Variants in RPL31 observed in about 807,000 individuals in gnomAD.
The protein encoded by RPL31 is large ribosomal subunit protein eL31.
For missense variants in RPL31, 95 were observed against 164.0 expected (o/e 0.58, Z 2.30); for synonymous variants, 51 against 55.0 (o/e 0.93, Z 0.32).
At chr2:101,009,390 A>G (rs1679007333), downstream of RPL31, among the ~76,000 whole-genome samples, 1 of 145,516 alleles carries the variant, frequency 6.9e-6, no homozygotes, top group Non-Finnish European at 1.5e-5. Flanking sequence ...TGGGCGACAG[A>G]GTGAGACTCT....
At chr2:101,007,581 G>T (rs911110080), downstream of RPL31, 2 of 508,772 alleles carry the variant, frequency 3.9e-6, no homozygotes, top group Admixed American at 7.1e-5. Context: ...AGCAAATCCG[G>T]TAAAAATTGT....
At chr2:101,004,079 A>G (rs919049077) in intron 2 of RPL31, 79 bp from the exon 3 acceptor site, 139 of 1,504,304 alleles carry the variant, frequency 9.2e-5, no homozygotes, top group Non-Finnish European at 1.1e-4. Flanking sequence ...GGAGCCTATC[A>G]TCGACATTGA....
At chr2:101,011,556 G>A (rs775481404), downstream of RPL31, 2 of 1,613,534 alleles carry the variant, frequency 1.2e-6, no homozygotes, top group African/African-American at 1.3e-5. Flanking sequence ...AAAAAGATGA[G>A]AGGTTTAAAT....
intron 1 of RPL31, 156 bp downstream of exon 1, chr2:101,002,471 T>A (rs951250073): frequency 1.7e-6 from 1 of 577,782 alleles, no homozygotes; most frequent in African/African-American, 1.9e-5. Flanking sequence ...TCCCAGAGCC[T>A]GAGGAAGAAA....
chr2:101,003,686 T>G (rs1678621824), intron 2 of RPL31, among the ~76,000 whole-genome samples: 1 of 152,214 alleles, frequency 6.6e-6, no homozygotes, highest in South Asian at 2.1e-4. Flanking sequence ...CTACTGCCAT[T>G]CATCATACTC....
intron 2 of RPL31, among the ~76,000 whole-genome samples, chr2:101,003,957 G>C (rs992192987): frequency 6.6e-6 from 1 of 152,170 alleles, no homozygotes; most frequent in Non-Finnish European, 1.5e-5. Context: ...GCTGGTTTTA[G>C]GAGGACATAC....
intron 1 of RPL31, 175 bp downstream of exon 1, chr2:101,002,490 G>A (rs1678577578): frequency 1.7e-6 from 1 of 605,500 alleles, no homozygotes; most frequent in Non-Finnish European, 3.0e-6. Context: ...AAGTGACCAG[G>A]CTTAGGGGAG....
intron 2 of RPL31, among the ~76,000 whole-genome samples, chr2:101,003,226 C>T (rs560697981): frequency 1.3e-5 from 2 of 152,178 alleles, no homozygotes; most frequent in Admixed American, 6.5e-5. Context: ...AATTTTTACC[C>T]TTTTTTTCCC....
intron 4 of RPL31, chr2:101,018,172 CTATAAT>C (rs1679793477): frequency 7.4e-6 from 3 of 406,640 alleles, no homozygotes; most frequent in South Asian, 5.3e-5. Context: ...CTGTACTAAT[CTATAAT>C]TATGTTTTAG....
chr2:101,006,041 G>A lies in RPL31; in HGVS notation c.316G>A (p.Val106Ile). The change falls in exon 4 of 5, where the codon GTT becomes ATT. Residue 106 changes from valine (V) to isoleucine (I), a missense_variant. Val to Ile is a conservative substitution (Grantham distance 29, BLOSUM62 3). Transcript: ENST00000264258. ...EDSPNKLYTL[V>I]TYVPVTTFKN... ...TTCACCAAATAAGCTATATACTTTG[G>A]TTACCTATGTACCTGTTACCACTTT... is the stretch of plus-strand genomic sequence containing the variant. The A allele has an allele frequency of 6.2e-7, 1 of 1,613,976 alleles. No homozygotes were observed. Among genetic ancestry groups the A allele is most frequent in the Non-Finnish European group, 8.5e-7 (1 of 1,179,980 alleles).
At position 101,004,158 on chromosome 2, in the gene RPL31, G is replaced by A; in HGVS notation, c.108G>A (p.Val36=). The A allele has an allele frequency of 1.2e-6, 2 of 1,612,882 alleles. No homozygotes were observed. The highest frequency in any genetic ancestry group is 1.7e-6 in the Non-Finnish European group (2 of 1,179,586). ...TINIHKRIHG[V]GFKKRAPRAL... ...TTGTTCACTTATGTTTGAATCGTAG[G>A]GGCTTCAAGAAGCGTGCACCTCGGG... The change falls in exon 3 of 5, where the codon GTG becomes GTA. Residue 36 remains valine (V), a splice_region_variant and synonymous_variant. Transcript: ENST00000264258.
chr2:101,014,196 A>C (rs1267033890), intron 4 of RPL31, among the ~76,000 whole-genome samples: 2 of 151,586 alleles, frequency 1.3e-5, no homozygotes, highest in Non-Finnish European at 2.9e-5. Flanking sequence ...ATTTCGCAAA[A>C]GTTTTTTTTT....
downstream of RPL31, chr2:101,008,376 T>TGAA (rs1678908615): frequency 2.2e-6 from 2 of 909,094 alleles, no homozygotes; most frequent in Non-Finnish European, 3.2e-6. Flanking sequence ...ACAGTATTTT[T>TGAA]GAAGACACAG....
chr2:101,018,040 T>C, intron 4 of RPL31: 5 of 1,053,908 alleles, frequency 4.7e-6, no homozygotes, highest in Non-Finnish European at 5.5e-6. Context: ...TCAACCCCTT[T>C]TTCACTGACA....
chr2:101,007,844 C>T, downstream of RPL31: 1 of 1,613,510 alleles, frequency 6.2e-7, no homozygotes, highest in Non-Finnish European at 8.5e-7. Context: ...AGCTTAAGTT[C>T]AGATTGTGAT....
At chr2:101,007,496 T>G (rs1331352347), downstream of RPL31, 2 of 253,182 alleles carry the variant, frequency 7.9e-6, no homozygotes, top group South Asian at 8.9e-5. Flanking sequence ...TTTTCTTGCT[T>G]CTTGGTTAGT....
At chr2:101,007,837 T>TTAAG (rs764232602), downstream of RPL31, 58 of 1,613,662 alleles carry the variant, frequency 3.6e-5, no homozygotes, top group African/African-American at 5.5e-4. Flanking sequence ...GTTACTCAGC[T>TTAAG]TAAGTTCAGA....
intron 4 of RPL31, 136 bp downstream of exon 4, chr2:101,006,207 C>G: frequency 2.0e-6 from 3 of 1,508,688 alleles, no homozygotes; most frequent in Non-Finnish European, 2.7e-6. Context: ...TGGGAAGATG[C>G]TAAAGAATGC....
intron 4 of RPL31, chr2:101,018,003 A>G (rs1393260829): frequency 3.5e-6 from 5 of 1,432,590 alleles, no homozygotes; most frequent in Admixed American, 4.1e-5. Context: ...TCGCAATTCT[A>G]CTTCAAGCAT....
Sources: gnomAD v4.1 joint callset for allele counts (sites outside exome capture counted in the v4.1 genomes callset) on GRCh38, gnomAD v4.1.1 for gene constraint, MANE v1.5 for transcripts, NCBI Gene and HGNC (gene_info 2026-07-23, HGNC 2026-07-21) for gene names.